TRPM6: variants seen among roughly 807,000 people sequenced by gnomAD.
TRPM6 encodes the protein transient receptor potential cation channel subfamily M member 6, also known as channel kinase 2.
A neutral mutation model predicts 247.6 loss-of-function variants in TRPM6; 111 were observed. That is an observed-to-expected ratio of 0.45 (90% confidence interval 0.38 to 0.52). The LOEUF is 0.52. Ranked by LOEUF, TRPM6 falls within the 20% of genes least tolerant of loss-of-function variation. The pLI is 0.00. For synonymous variants in TRPM6, 892 were observed against 853.8 expected, an observed-to-expected ratio of 1.04 and a Z score of -0.78; for missense variants, 2,126 against 2,421.5, an observed-to-expected ratio of 0.88 and a Z score of 2.56.
intron 3 of TRPM6, among the ~76,000 whole-genome samples, chr9:74,849,351 C>CAA (rs11333236): frequency 4.9e-4 from 34 of 69,388 alleles, no homozygotes; most frequent in Non-Finnish European, 8.0e-4. Context: ...AACTTCATCT[C>CAA]AAAAAAAAAA....
chr9:74,781,720 C>G (rs1827465129), intron 23 of TRPM6, among the ~76,000 whole-genome samples: 1 of 152,102 alleles, frequency 6.6e-6, no homozygotes, highest in South Asian at 2.1e-4. Context: ...AACCAACTTG[C>G]AATTCCATCA....
chr9:74,738,862 G>A (rs563867995), intron 35 of TRPM6, among the ~76,000 whole-genome samples: 1 of 152,204 alleles, frequency 6.6e-6, no homozygotes, highest in African/African-American at 2.4e-5. Context: ...AACTCTTCTT[G>A]CTGTGCTCTA....
At chr9:74,826,736 C>CTTTTTT (rs561369498) in intron 7 of TRPM6, 4 of 52,074 alleles carry the variant, frequency 7.7e-5, no homozygotes, top group Non-Finnish European at 1.7e-4. Flanking sequence ...CTTTTTCTTT[C>CTTTTTT]TTTTTTTTTT....
chr9:74,823,547 A>G (rs1396007765), intron 7 of TRPM6, among the ~76,000 whole-genome samples: 2 of 151,960 alleles, frequency 1.3e-5, no homozygotes, highest in Non-Finnish European at 2.9e-5. Context: ...TTGACATTCT[A>G]CTCCTTTTCC....
chr9:74,759,996 A>G (rs1238850178), intron 27 of TRPM6, among the ~76,000 whole-genome samples: 1 of 152,238 alleles, frequency 6.6e-6, no homozygotes, highest in African/African-American at 2.4e-5. Context: ...CCGCATAACA[A>G]TATTTCAGTC....
intron 24 of TRPM6, among the ~76,000 whole-genome samples, chr9:74,775,110 T>C (rs990097431): frequency 6.6e-6 from 1 of 152,334 alleles, no homozygotes; most frequent in East Asian, 1.9e-4. Context: ...GATAGTCATA[T>C]CATGCAGTGA....
At chr9:74,877,516 G>C (rs558378917) in intron 1 of TRPM6, among the ~76,000 whole-genome samples, 1 of 152,164 alleles carries the variant, frequency 6.6e-6, no homozygotes, top group South Asian at 2.1e-4. Context: ...GCCATTTTTA[G>C]AGTCCAGCCA....
rs535312482 is a variant in TRPM6 at position 74,789,327 on chromosome 9, CAT to C, written c.2539-587_2539-586del. 1.2e-3 allele frequency among the ~76,000 whole-genome samples: 176 copies of C among 152,256 alleles called. 2 individuals are homozygous for C. The South Asian group carries it at 0.033, about 28-fold the overall frequency. On this transcript the variant is annotated intron_variant, in intron 19 of 38. Coordinates refer to ENST00000360774, the MANE Select transcript of TRPM6 (RefSeq NM_017662.5). ...TCAGCACTCAGCACTCTGCTTGACA[CAT>C]GATAGACATTCAATAAATGTTTGTC...
chr9:74,732,558 T>C, intron 37 of TRPM6, 127 bp downstream of exon 37: 5 of 681,644 alleles, frequency 7.3e-6, no homozygotes, highest in South Asian at 1.9e-5. Context: ...TTGGTCTATA[T>C]ACATAAGCTA....
At position 74,827,967 on chromosome 9, in the gene TRPM6, C is replaced by G. The variant is rs756175094; in HGVS notation, c.670-18G>C. The stretch of plus-strand genomic sequence containing the variant: ...CACACCACCTGAGAGACAGCAAGGA[C>G]AAGGGAGGGTCAGAGCTCTAGATCC... On this transcript the variant is annotated intron_variant, in intron 6 of 38. Transcript: ENST00000360774. 6.2e-7 allele frequency: 1 copy of G among 1,613,280 alleles called. No individual in the cohort carries two copies. The highest frequency in any genetic ancestry group is 2.2e-5 in the East Asian group (1 of 44,856).
chr9:74,739,493 T>C (rs1825793149), intron 34 of TRPM6, 44 bp from the exon 35 acceptor site: 1 of 1,583,738 alleles, frequency 6.3e-7, no homozygotes. Context: ...TTTACTGTTG[T>C]ACAGCTATGA....
At chr9:74,778,337 G>A (rs527436359) in intron 23 of TRPM6, among the ~76,000 whole-genome samples, 319 of 152,268 alleles carry the variant, frequency 2.1e-3, no homozygotes, top group African/African-American at 7.3e-3. Flanking sequence ...CTCTGCAACT[G>A]CCACCTATAC....
intron 13 of TRPM6, among the ~76,000 whole-genome samples, chr9:74,809,212 T>C (rs1159442357): frequency 6.6e-6 from 1 of 152,152 alleles, no homozygotes; most frequent in Non-Finnish European, 1.5e-5. Context: ...AAGACAAGTG[T>C]TATGATTGGT....
chr9:74,845,340 G>A lies in TRPM6; in HGVS notation c.153-2997C>T, dbSNP rs75816887. Among the ~76,000 whole-genome samples the A allele has an allele frequency of 1.5e-4, 23 of 152,218 alleles. No individual in the cohort carries two copies. The East Asian group carries it at 4.4e-3, about 29-fold the overall frequency. On this transcript the variant is annotated intron_variant, in intron 3 of 38. Transcript: ENST00000360774. ...TACTAAAAATCTCTTGCATACTCAT[G>A]TTCATAGCAGCATTATTCTGAATAT...
chr9:74,820,455 C>A, intron 8 of TRPM6, 28 bp from the exon 9 acceptor site: 1 of 1,613,794 alleles, frequency 6.2e-7, no homozygotes, highest in Non-Finnish European at 8.5e-7. Flanking sequence ...GGTCTTGACA[C>A]AACCCAGAGA....
intron 26 of TRPM6, 72 bp from the exon 27 acceptor site, chr9:74,761,880 TGA>T: frequency 6.6e-7 from 1 of 1,508,556 alleles, no homozygotes; most frequent in Non-Finnish European, 9.2e-7. Context: ...CAGAAAAAGC[TGA>T]GAGAATGGGG....
At chr9:74,758,891 G>A (rs1444542608) in intron 27 of TRPM6, among the ~76,000 whole-genome samples, 1 of 152,126 alleles carries the variant, frequency 6.6e-6, no homozygotes, top group Non-Finnish European at 1.5e-5. Flanking sequence ...TTCTTAAAAA[G>A]CTACACAATA....
intron 16 of TRPM6, among the ~76,000 whole-genome samples, chr9:74,800,706 A>G (rs1187519024): frequency 1.3e-5 from 2 of 151,770 alleles, no homozygotes; most frequent in Non-Finnish European, 2.9e-5. Context: ...ACAGCTCAGG[A>G]AAGGGATTTT....
chr9:74,731,009 A>G (rs1825501756), intron 37 of TRPM6, among the ~76,000 whole-genome samples: 1 of 152,146 alleles, frequency 6.6e-6, no homozygotes, highest in Non-Finnish European at 1.5e-5. Context: ...TTAAAAAAAT[A>G]CAGATATCAG....
Sources: allele counts gnomAD v4.1 joint callset (sites outside exome capture counted in the v4.1 genomes callset), GRCh38; gene constraint gnomAD v4.1.1; transcripts MANE v1.5; gene names NCBI Gene and HGNC (gene_info 2026-07-23, HGNC 2026-07-21).